The following CACNA1D variants were observed in gnomAD, a reference collection of about 807,000 sequenced individuals.
CACNA1D encodes voltage-dependent L-type calcium channel subunit alpha-1D.
In CACNA1D, 55 loss-of-function variants were observed where a neutral mutation model predicts 257.1. That is an observed-to-expected ratio of 0.21 (90% CI 0.17 to 0.27). CACNA1D has a LOEUF of 0.27. CACNA1D is among the 10% of genes least tolerant of loss of function. The probability of loss-of-function intolerance (pLI) is 1.00; values close to 1 mark genes in which losing one functional copy is unlikely to be tolerated. For missense variants in CACNA1D, 1,876 were observed against 2,784.0 expected (o/e 0.67, Z 7.34); for synonymous variants, 980 against 1,014.9 (o/e 0.97, Z 0.65).
intron 3 of CACNA1D, among the ~76,000 whole-genome samples, chr3:53,536,180 G>A (rs1233386606): frequency 6.6e-6 from 1 of 152,062 alleles, no homozygotes; most frequent in Non-Finnish European, 1.5e-5. Flanking sequence ...GCTCCAAAAG[G>A]GGCTGAAAAG....
intron 37 of CACNA1D, among the ~76,000 whole-genome samples, chr3:53,779,409 G>GTA (rs1171970886): frequency 6.6e-6 from 1 of 150,468 alleles, no homozygotes; most frequent in Non-Finnish European, 1.5e-5. Flanking sequence ...ATGTATGTAT[G>GTA]TGTGTGTGTG....
At chr3:53,796,113 T>C (rs924591933) in intron 40 of CACNA1D, 1 of 283,242 alleles carries the variant, frequency 3.5e-6, no homozygotes, top group African/African-American at 2.2e-5. Context: ...GTTTATTCCA[T>C]AAGAACTTAA....
intron 3 of CACNA1D, among the ~76,000 whole-genome samples, chr3:53,568,586 C>T (rs58272439): frequency 0.025 from 3,881 of 152,268 alleles, 144 homozygotes; most frequent in African/African-American, 0.088. Context: ...CTTCTTTACT[C>T]GCACACCAGG....
chr3:53,600,004 G>A (rs1401361202), intron 3 of CACNA1D, among the ~76,000 whole-genome samples: 3 of 152,216 alleles, frequency 2.0e-5, no homozygotes, highest in Admixed American at 2.0e-4. Flanking sequence ...ACCCAAGCAT[G>A]GAAGAAATTG....
rs56384446 is a variant in CACNA1D, at chr3:53,762,359, A to G, written c.3870+278A>G. Among the ~76,000 whole-genome samples, 41,933 of 152,172 alleles carry G rather than the reference A, an allele frequency of 0.28. 6,834 individuals are homozygous for G. The highest frequency in any genetic ancestry group is 0.37 in the Non-Finnish European group (25,084 of 67,988). On this transcript the variant is annotated intron_variant, in intron 30 of 47. Coordinates refer to ENST00000350061, the MANE Select transcript of CACNA1D (RefSeq NM_001128840.3). Reference sequence around the variant, plus strand: ...AGGCAAGGTAAGATAGGATGTCTCTAATTGTTTTCATTTGCTGTGTCAGAA... The same window carrying G: ...AGGCAAGGTAAGATAGGATGTCTCTGATTGTTTTCATTTGCTGTGTCAGAA...
chr3:53,674,121 C>A lies in CACNA1D; in HGVS notation c.1220+995C>A. ...TAAAGGAATTCCAGCCTTGGTCTCC[C>A]CCAGGAAAGAGGCTTTTGTCCCTTG... On this transcript the variant is annotated intron_variant, in intron 8 of 47. Transcript: ENST00000350061. 4.0e-6 allele frequency: 2 copies of A among 495,770 alleles called. 1 individual carries two copies. Among genetic ancestry groups the A allele is most frequent in the South Asian group, 4.2e-5 (2 of 47,866 alleles). The allele number at this position is 495,770 out of a possible 1,614,324, so 30.7% of individuals were successfully genotyped here. A position where few individuals can be genotyped will look rare whatever the true frequency, so the allele number is the denominator to read the frequency against.
intron 39 of CACNA1D, among the ~76,000 whole-genome samples, chr3:53,783,471 T>G (rs1343878978): frequency 6.6e-6 from 1 of 152,192 alleles, no homozygotes; most frequent in African/African-American, 2.4e-5. Flanking sequence ...GATTGGAGTT[T>G]AGGATGACAG....
Position 53,681,947 on chromosome 3 carries a change from G to A in CACNA1D, c.1220+8821G>A, listed in dbSNP as rs186059880. 2.7e-4 allele frequency among the ~76,000 whole-genome samples: 41 copies of A among 152,216 alleles called. No homozygotes were observed. In the East Asian group the frequency reaches 5.0e-3, roughly 19 times the overall value. On this transcript the variant is annotated intron_variant, in intron 8 of 47. Transcript: ENST00000350061. ...GCAGAGGATGCTGGAGGAACTGAAT[G>A]AAGCTAGGGTGACAGGAACTGGGAG...
intron 3 of CACNA1D, among the ~76,000 whole-genome samples, chr3:53,566,905 C>G (rs908416709): frequency 1.3e-5 from 2 of 152,208 alleles, no homozygotes; most frequent in Non-Finnish European, 2.9e-5. Flanking sequence ...TCCTTCAGGG[C>G]TCGGACTGAG....
intron 8 of CACNA1D, among the ~76,000 whole-genome samples, chr3:53,674,823 C>T (rs569122004): frequency 1.3e-5 from 2 of 152,352 alleles, no homozygotes; most frequent in South Asian, 2.1e-4. Flanking sequence ...AGAGGAGCCT[C>T]TGTCACTGCG....
Position 53,812,523 on chromosome 3 carries a change from GTACCTTT to G in CACNA1D, c.*1118_*1124del, listed in dbSNP as rs1366244126. ...GCAAGAGTTCCATGATTTTGATACT[GTACCTTT>G]GGATCCACCATGGGTTGCAACTGTC... On this transcript the variant is annotated 3_prime_UTR_variant, in exon 48 of 48. Coordinates refer to ENST00000350061, the MANE Select transcript of CACNA1D (RefSeq NM_001128840.3). The G allele has an allele frequency of 7.2e-5, 11 of 152,140 alleles. No homozygotes were observed. Among genetic ancestry groups the G allele is most frequent in the Non-Finnish European group, 1.5e-4 (10 of 68,030 alleles). 9.4% of individuals were successfully genotyped at this position (152,140 alleles called of 1,614,324 possible).
chr3:53,660,780 G>A lies in CACNA1D; in HGVS notation c.766+505G>A, dbSNP rs560525194. Among the ~76,000 whole-genome samples the A allele has an allele frequency of 6.6e-5, 10 of 152,060 alleles. No homozygotes were observed. In the South Asian group the frequency reaches 2.1e-3, roughly 31 times the overall value. ...CAGGAACTGTGCTACCCAGCTCTGG[G>A]GGAAGGGATGAATGCTTCTTACCTG... On this transcript the variant is annotated intron_variant, in intron 5 of 47. Transcript: ENST00000350061.
chr3:53,809,014 A>G (rs1283193603), intron 46 of CACNA1D: 1 of 542,604 alleles, frequency 1.8e-6, no homozygotes, highest in African/African-American at 1.9e-5. Context: ...AGCTGGCCTC[A>G]CTGCCCAGGT....
chr3:53,536,795 C>A (rs1123895), intron 3 of CACNA1D, among the ~76,000 whole-genome samples: 6,572 of 152,272 alleles, frequency 0.043, 347 homozygotes, highest in African/African-American at 0.12. Context: ...GGGTATTTTC[C>A]TGCTACAATG....
chr3:53,567,303 C>A (rs192883219), intron 3 of CACNA1D, among the ~76,000 whole-genome samples: 20 of 152,330 alleles, frequency 1.3e-4, no homozygotes, highest in Non-Finnish European at 2.4e-4. Context: ...TATGTACAAT[C>A]TCTGTACAGG....
intron 31 of CACNA1D, 139 bp downstream of exon 31, chr3:53,770,156 C>A: frequency 1.2e-6 from 1 of 808,948 alleles, no homozygotes; most frequent in Non-Finnish European, 2.1e-6. Flanking sequence ...CATTCATCAT[C>A]AGTGTCCAGT....
At chr3:53,728,508 A>C (rs2094957893) in intron 15 of CACNA1D, among the ~76,000 whole-genome samples, 1 of 152,116 alleles carries the variant, frequency 6.6e-6, no homozygotes, top group Admixed American at 6.5e-5. Flanking sequence ...TTGAGTCAGG[A>C]ATCTTTTTGT....
chr3:53,753,925 T>C (rs1282941329), intron 29 of CACNA1D, among the ~76,000 whole-genome samples: 1 of 152,250 alleles, frequency 6.6e-6, no homozygotes, highest in African/African-American at 2.4e-5. Context: ...AATTGGGAAT[T>C]TGTAAACTGC....
Position 53,751,502 on chromosome 3 carries a change from AC to A in CACNA1D, c.3517-246del, listed in dbSNP as rs2095225752. Among the ~76,000 whole-genome samples, 1 of 152,250 alleles carries A rather than the reference AC, an allele frequency of 6.6e-6. No individual in the cohort carries two copies. The highest frequency in any genetic ancestry group is 2.1e-4 in the South Asian group (1 of 4,830). Reference sequence around the variant, plus strand: ...GTTTTTAGTAAGCAAAATGGAAGCCACATGGGTAGGCACCCAGCTTACCCGG... The same window carrying A: ...GTTTTTAGTAAGCAAAATGGAAGCCAATGGGTAGGCACCCAGCTTACCCGG... On this transcript the variant is annotated intron_variant, in intron 27 of 47. Coordinates refer to ENST00000350061, the MANE Select transcript of CACNA1D (RefSeq NM_001128840.3). The surrounding 1 kb of genome is among the most constrained non-coding windows in gnomAD (Gnocchi z 4.3).
Sources: gnomAD v4.1 joint callset for allele counts (sites outside exome capture counted in the v4.1 genomes callset) on GRCh38, gnomAD v4.1.1 for gene constraint, Gnocchi (gnomAD v3.1) non-coding constraint, MANE v1.5 for transcripts, NCBI Gene and HGNC (gene_info 2026-07-23, HGNC 2026-07-21) for gene names.